PAAF1: variants seen among roughly 807,000 people sequenced by gnomAD.
PAAF1 encodes the protein proteasomal ATPase-associated factor 1.
A neutral mutation model predicts 52.8 loss-of-function variants in PAAF1; 46 were observed. The observed-to-expected ratio is 0.87, with a 90% CI of 0.69 to 1.11. The LOEUF is 1.11. Ranked by LOEUF, PAAF1 falls within the 50% of genes most tolerant of loss-of-function variation. PAAF1 has a pLI of 0.00. For synonymous variants in PAAF1, 178 were observed against 172.8 expected, an observed-to-expected ratio of 1.03 and a Z score of -0.24; for missense variants, 424 against 477.4, an observed-to-expected ratio of 0.89 and a Z score of 1.04.
Position 73,919,044 on chromosome 11 carries a change from G to T in PAAF1, c.1018+12G>T. On this transcript the variant is annotated intron_variant, in intron 10 of 11. Transcript: ENST00000310571. The stretch of plus-strand genomic sequence containing the variant: ...CATTGCTAGCCAAGGTGGGTCCATG[G>T]GCCAATTGAGAGAGATGCTTCTCTG... 1 of 1,599,242 alleles carries T rather than the reference G, an allele frequency of 6.3e-7. No individual in the cohort carries two copies. The highest frequency in any genetic ancestry group is 8.5e-7 in the Non-Finnish European group (1 of 1,169,976).
At chr11:73,918,594 A>G (rs923607636) in intron 9 of PAAF1, among the ~76,000 whole-genome samples, 1 of 151,210 alleles carries the variant, frequency 6.6e-6, no homozygotes, top group Admixed American at 6.6e-5. Flanking sequence ...CTCCTGCCTC[A>G]GCCTCTTTCT....
chr11:73,901,870 C>CTTTTTTTTTTTTT (rs35218096), intron 6 of PAAF1, among the ~76,000 whole-genome samples: 1 of 128,226 alleles, frequency 7.8e-6, no homozygotes, highest in Admixed American at 7.9e-5. Context: ...TGCGCCTTGC[C>CTTTTTTTTTTTTT]TTTTTTTTTT....
chr11:73,913,168 C>A (rs565275890), intron 7 of PAAF1, among the ~76,000 whole-genome samples: 1 of 152,198 alleles, frequency 6.6e-6, no homozygotes, highest in East Asian at 1.9e-4. Flanking sequence ...TGAGCCACCG[C>A]ACCTGGCCTG....
Position 73,900,423 on chromosome 11 carries a change from A to G in PAAF1, c.532+3A>G. Reference sequence around the variant, plus strand: ...GACCTTCAAAGGTCACAAAGGAGGTATGAAGTGTGCTTTCTCCAAAAGGCT... The same window carrying G: ...GACCTTCAAAGGTCACAAAGGAGGTGTGAAGTGTGCTTTCTCCAAAAGGCT... On this transcript the variant is annotated splice_donor_region_variant and intron_variant, in intron 6 of 11. Coordinates refer to ENST00000310571, the MANE Select transcript of PAAF1 (RefSeq NM_025155.3). 1 of 1,589,464 alleles carries G rather than the reference A, an allele frequency of 6.3e-7. No homozygotes were observed. Among genetic ancestry groups the G allele is most frequent in the Non-Finnish European group, 8.6e-7 (1 of 1,164,660 alleles).
intron 3 of PAAF1, chr11:73,889,213 T>G (rs1391754673): frequency 6.7e-7 from 1 of 1,488,734 alleles, no homozygotes; most frequent in Non-Finnish European, 8.9e-7. Flanking sequence ...GATTGCTAAT[T>G]TTTGCTGTGA....
At chr11:73,878,869 T>G in intron 2 of PAAF1, 50 bp downstream of exon 2, 1 of 1,556,382 alleles carries the variant, frequency 6.4e-7, no homozygotes, top group African/African-American at 1.4e-5. Flanking sequence ...GAAGGATTAA[T>G]ACCCTTAAAA....
Position 73,880,536 on chromosome 11 carries a change from A to G in PAAF1, c.88+1717A>G, listed in dbSNP as rs1180120015. The G allele has an allele frequency of 2.0e-5, 3 of 150,330 alleles. No individual in the cohort carries two copies. The Admixed American group carries it at 2.0e-4, about 10-fold the overall frequency. 9.3% of individuals were successfully genotyped at this position (150,330 alleles called of 1,614,324 possible). On this transcript the variant is annotated intron_variant, in intron 2 of 11. Transcript: ENST00000310571. ...GGCTCTACTAAAAAAAAATACAAAA[A>G]ATTAGCCGGATGTGGTGGTGGGCCC...
At chr11:73,921,886 T>A in intron 10 of PAAF1, 1 of 1,118,490 alleles carries the variant, frequency 8.9e-7, no homozygotes, top group Non-Finnish European at 1.3e-6. Context: ...AATGGGAAAG[T>A]TAGTGATTCC....
intron 10 of PAAF1, among the ~76,000 whole-genome samples, chr11:73,922,589 G>A (rs538234818): frequency 3.3e-5 from 5 of 151,954 alleles, no homozygotes; most frequent in South Asian, 4.1e-4. Flanking sequence ...AGGCCGAGGC[G>A]GGCGGATCAC....
Position 73,886,990 on chromosome 11 carries a change from A to T in PAAF1, c.89-364A>T, listed in dbSNP as rs1010962041. On this transcript the variant is annotated intron_variant, in intron 2 of 11. Coordinates refer to ENST00000310571, the MANE Select transcript of PAAF1 (RefSeq NM_025155.3). ...CTCTTACTTCCTCTCTCACCATGTG[A>T]TCTCTGCATACACTGGCTCCCCTTC... The T allele has an allele frequency of 1.3e-5, 6 of 446,014 alleles. No homozygotes were observed. The Admixed American group carries it at 1.4e-4, about 11-fold the overall frequency. 27.6% of individuals were successfully genotyped at this position (446,014 alleles called of 1,614,324 possible).
chr11:73,896,975 G>C (rs1949396847), intron 4 of PAAF1, among the ~76,000 whole-genome samples: 1 of 139,532 alleles, frequency 7.2e-6, no homozygotes, highest in South Asian at 2.3e-4. Flanking sequence ...GCCGGGCGGG[G>C]GGGCTGACCC....
chr11:73,925,735 G>C (rs1006792213), intron 11 of PAAF1, among the ~76,000 whole-genome samples: 3 of 151,918 alleles, frequency 2.0e-5, no homozygotes, highest in Admixed American at 6.6e-5. Context: ...TGTAATCTTT[G>C]TTACTATTTG....
intron 10 of PAAF1, among the ~76,000 whole-genome samples, chr11:73,919,693 G>A (rs1439923373): frequency 6.6e-6 from 1 of 152,174 alleles, no homozygotes; most frequent in Admixed American, 6.5e-5. Context: ...TGGTGTTGGG[G>A]AAATGCCTGG....
intron 2 of PAAF1, 139 bp from the exon 3 acceptor site, chr11:73,887,215 T>A: frequency 1.7e-6 from 1 of 582,168 alleles, no homozygotes. Context: ...CACCTGACTT[T>A]TAACACAGGC....
intron 6 of PAAF1, among the ~76,000 whole-genome samples, chr11:73,902,395 G>A (rs1449462883): frequency 6.6e-6 from 1 of 152,104 alleles, no homozygotes; most frequent in Non-Finnish European, 1.5e-5. Context: ...TACAGATCTG[G>A]GGAGTCCAGG....
chr11:73,903,810 G>T (rs868605004), intron 6 of PAAF1, among the ~76,000 whole-genome samples: 47 of 149,564 alleles, frequency 3.1e-4, no homozygotes, highest in Admixed American at 2.8e-3. Flanking sequence ...TTGGCCGGGC[G>T]CAGCGTCTCA....
chr11:73,914,012 T>A (rs1949999903), intron 7 of PAAF1, among the ~76,000 whole-genome samples: 1 of 152,056 alleles, frequency 6.6e-6, no homozygotes, highest in African/African-American at 2.4e-5. Context: ...TTTGTGCTTG[T>A]GAATGGCCCC....
chr11:73,911,372 A>G (rs1949924036), intron 7 of PAAF1, among the ~76,000 whole-genome samples: 1 of 152,124 alleles, frequency 6.6e-6, no homozygotes, highest in Non-Finnish European at 1.5e-5. Context: ...TTGTAGAGAC[A>G]GGGTCTCACT....
At chr11:73,906,906 G>T (rs527255019) in intron 6 of PAAF1, among the ~76,000 whole-genome samples, 1 of 152,172 alleles carries the variant, frequency 6.6e-6, no homozygotes, top group African/African-American at 2.4e-5. Flanking sequence ...TAATTTATTG[G>T]GCACCTATAC....
Sources: allele counts gnomAD v4.1 joint callset (sites outside exome capture counted in the v4.1 genomes callset), GRCh38; gene constraint gnomAD v4.1.1; transcripts MANE v1.5; gene names NCBI Gene and HGNC (gene_info 2026-07-23, HGNC 2026-07-21).